The following CFAP221 variants were observed in gnomAD, a reference collection of about 807,000 sequenced individuals.
The protein encoded by CFAP221 is cilia- and flagella-associated protein 221.
In CFAP221, 97 loss-of-function variants were observed where a neutral mutation model predicts 113.1. The observed-to-expected ratio is 0.86, with a 90% confidence interval of 0.73 to 1.02. The LOEUF (loss-of-function observed/expected upper bound fraction) is 1.02, where lower values mean the gene tolerates loss of function less well. CFAP221 is among the 50% of genes least tolerant of loss of function. The pLI, the probability that CFAP221 is intolerant of heterozygous loss-of-function variation, is 0.00. For missense variants in CFAP221, 1,025 were observed against 1,013.4 expected (o/e 1.01, Z -0.16); for synonymous variants, 331 against 354.4 (o/e 0.93, Z 0.74).
In CFAP221 at chr2:119,656,524, C is replaced by G; in HGVS notation, c.*54C>G. On this transcript the variant is annotated 3_prime_UTR_variant, in exon 24 of 24. Transcript: ENST00000413369. Reference sequence around the variant, plus strand: ...TTGCTTTCCGTGGGCCACTGTGGCCCCTTGCGTCCATTTACATGCCAGCCA... The same window carrying G: ...TTGCTTTCCGTGGGCCACTGTGGCCGCTTGCGTCCATTTACATGCCAGCCA... 7.8e-7 allele frequency: 1 copy of G among 1,276,970 alleles called. No individual in the cohort carries two copies. Among genetic ancestry groups the G allele is most frequent in the Non-Finnish European group, 1.1e-6 (1 of 886,474 alleles). The allele number at this position is 1,276,970 out of a possible 1,614,324, so 79.1% of individuals were successfully genotyped here.
At chr2:119,551,096 T>C (rs1324375773) in intron 3 of CFAP221, among the ~76,000 whole-genome samples, 1 of 152,242 alleles carries the variant, frequency 6.6e-6, no homozygotes, top group African/African-American at 2.4e-5. Context: ...TATCCCCTTT[T>C]ATGGCTGAAC....
chr2:119,644,885 A>G (rs1448197227), intron 21 of CFAP221, among the ~76,000 whole-genome samples: 1 of 152,070 alleles, frequency 6.6e-6, no homozygotes, highest in Non-Finnish European at 1.5e-5. Flanking sequence ...CTGGCTTCTA[A>G]TACATTTACT....
intron 14 of CFAP221, among the ~76,000 whole-genome samples, chr2:119,616,007 G>A (rs1168012354): frequency 8.6e-5 from 13 of 151,994 alleles, no homozygotes; most frequent in African/African-American, 2.4e-4. Context: ...CTGTCTCTAC[G>A]GATTTGCCTT....
chr2:119,575,464 T>A (rs1480769003), intron 6 of CFAP221, among the ~76,000 whole-genome samples: 2 of 152,236 alleles, frequency 1.3e-5, no homozygotes, highest in Non-Finnish European at 2.9e-5. Flanking sequence ...TACTTTCATC[T>A]TAAGTGCAGT....
At chr2:119,616,596 G>A (rs936051204) in intron 14 of CFAP221, among the ~76,000 whole-genome samples, 2 of 152,262 alleles carry the variant, frequency 1.3e-5, no homozygotes, top group East Asian at 3.9e-4. Context: ...TGCCAGTAAA[G>A]GGTGTCATGT....
intron 6 of CFAP221, among the ~76,000 whole-genome samples, chr2:119,572,311 T>G (rs1044965743): frequency 6.6e-5 from 10 of 152,244 alleles, no homozygotes; most frequent in African/African-American, 2.4e-4. Context: ...TTCAGTTCTC[T>G]TTCCCTTCTG....
chr2:119,569,757 C>T (rs1353350427), intron 6 of CFAP221, among the ~76,000 whole-genome samples: 1 of 152,134 alleles, frequency 6.6e-6, no homozygotes, highest in Non-Finnish European at 1.5e-5. Context: ...CAGAGATTCT[C>T]TCCTTAGCTG....
At chr2:119,595,844 G>C (rs1252242125) in intron 7 of CFAP221, among the ~76,000 whole-genome samples, 1 of 152,044 alleles carries the variant, frequency 6.6e-6, no homozygotes, top group East Asian at 1.9e-4. Flanking sequence ...TGTCAGCTTA[G>C]ACCCAGTTAA....
intron 21 of CFAP221, among the ~76,000 whole-genome samples, chr2:119,644,059 A>G (rs1687653159): frequency 1.3e-5 from 2 of 152,114 alleles, no homozygotes; most frequent in South Asian, 4.1e-4. Flanking sequence ...AGGCTGAAGC[A>G]GGAGAATCGC....
intron 19 of CFAP221, chr2:119,631,172 G>T: frequency 1.2e-6 from 1 of 863,100 alleles, no homozygotes; most frequent in Non-Finnish European, 1.5e-6. Context: ...AGAAGAAATT[G>T]AAAAAGAAAT....
At chr2:119,640,494 G>A (rs1687419253) in intron 21 of CFAP221, among the ~76,000 whole-genome samples, 1 of 152,178 alleles carries the variant, frequency 6.6e-6, no homozygotes, top group South Asian at 2.1e-4. Context: ...AAGTAGCCTG[G>A]TGCCTTTTCA....
chr2:119,587,791 A>T (rs1225685916), intron 7 of CFAP221, among the ~76,000 whole-genome samples: 1 of 152,164 alleles, frequency 6.6e-6, no homozygotes, highest in Non-Finnish European at 1.5e-5. Flanking sequence ...AAAATTGTTA[A>T]ATTTAAACAA....
chr2:119,576,248 G>T (rs1371042040), intron 6 of CFAP221, among the ~76,000 whole-genome samples: 3 of 152,022 alleles, frequency 2.0e-5, no homozygotes, highest in Non-Finnish European at 2.9e-5. Context: ...TGTTACACAG[G>T]TAAACCCATT....
At chr2:119,587,067 C>A in intron 6 of CFAP221, 52 bp from the exon 7 acceptor site, 1 of 1,322,922 alleles carries the variant, frequency 7.6e-7, no homozygotes, top group Non-Finnish European at 1.0e-6. Context: ...ACCAAAAGAA[C>A]CAGTTATAAA....
At chr2:119,613,938 A>G (rs1281865784) in intron 13 of CFAP221, among the ~76,000 whole-genome samples, 1 of 152,198 alleles carries the variant, frequency 6.6e-6, no homozygotes, top group Non-Finnish European at 1.5e-5. Flanking sequence ...TATCTTCGTG[A>G]ATACATAAAA....
intron 6 of CFAP221, among the ~76,000 whole-genome samples, chr2:119,577,308 T>C (rs934281952): frequency 6.6e-6 from 1 of 152,212 alleles, no homozygotes; most frequent in Non-Finnish European, 1.5e-5. Context: ...ATCATGGGAA[T>C]TGGGGCTTCC....
chr2:119,604,942 T>G lies in CFAP221; in HGVS notation c.979T>G (p.Leu327Val), dbSNP rs140168134. Residue 327 changes from leucine (L) to valine (V), a missense_variant, in exon 10 of 24, where the codon TTA becomes GTA. Coordinates refer to ENST00000413369, the MANE Select transcript of CFAP221 (RefSeq NM_001271049.2). ...LSNPFAVATV[L>V]NQEPGKLKIK... ...GAATCCATTTGCTGTGGCAACTGTTTTAAACCAAGAACCAGGAAAATTGAA... is the reference window on the plus strand; with the variant it reads ...GAATCCATTTGCTGTGGCAACTGTTGTAAACCAAGAACCAGGAAAATTGAA... 106 of 1,614,132 alleles carry G rather than the reference T, an allele frequency of 6.6e-5. No individual in the cohort carries two copies. In the African/African-American group the frequency reaches 1.3e-3, roughly 21 times the overall value.
chr2:119,550,133 C>T (rs187091623), intron 3 of CFAP221, among the ~76,000 whole-genome samples: 19 of 152,314 alleles, frequency 1.2e-4, no homozygotes, highest in African/African-American at 3.1e-4. Context: ...TTTGCACATG[C>T]GCCCTCTGAG....
chr2:119,605,693 G>A (rs1457892695), intron 11 of CFAP221, among the ~76,000 whole-genome samples: 1 of 152,194 alleles, frequency 6.6e-6, no homozygotes, highest in Non-Finnish European at 1.5e-5. Flanking sequence ...GCTCTGGGGG[G>A]CTCCTAATGG....
Sources: allele counts gnomAD v4.1 joint callset (sites outside exome capture counted in the v4.1 genomes callset), GRCh38; gene constraint gnomAD v4.1.1; transcripts MANE v1.5; gene names NCBI Gene and HGNC (gene_info 2026-07-23, HGNC 2026-07-21).